RBFOX1: variants seen among roughly 807,000 people sequenced by gnomAD.
RBFOX1 encodes RNA binding fox-1 homolog 1, also known as RNA binding protein fox-1 homolog 1.
A neutral mutation model predicts 57.7 loss-of-function variants in RBFOX1; 8 were observed. The ratio of observed to expected loss-of-function variants is 0.14; its 90% CI spans 0.08 to 0.25. The LOEUF is 0.25. RBFOX1 is among the 10% of genes least tolerant of loss of function. The pLI, the probability that RBFOX1 is intolerant of heterozygous loss-of-function variation, is 1.00. For missense variants in RBFOX1, 611 were observed against 548.5 expected (o/e 1.11, Z -1.14); for synonymous variants, 326 against 222.4 (o/e 1.47, Z -4.15).
intron 4 of RBFOX1, among the ~76,000 whole-genome samples, chr16:5,937,682 A>G (rs2059194908): frequency 1.3e-5 from 2 of 149,744 alleles, no homozygotes; most frequent in South Asian, 4.2e-4. Flanking sequence ...ATATAGTTAT[A>G]TGGTTACATA....
chr16:5,564,019 A>T (rs548569742), intron 2 of RBFOX1, among the ~76,000 whole-genome samples: 18 of 151,914 alleles, frequency 1.2e-4, no homozygotes, highest in East Asian at 9.7e-4. Flanking sequence ...TTTTTAAAAA[A>T]TTTTTTTATT....
At chr16:7,374,100 C>G (rs767128838) in intron 4 of RBFOX1, among the ~76,000 whole-genome samples, 1 of 152,144 alleles carries the variant, frequency 6.6e-6, no homozygotes, top group East Asian at 1.9e-4. Context: ...TTCTGCAGCT[C>G]TGATGGTGTG....
chr16:7,121,896 C>G (rs979587877), intron 4 of RBFOX1, among the ~76,000 whole-genome samples: 2 of 151,794 alleles, frequency 1.3e-5, no homozygotes, highest in African/African-American at 4.8e-5. Flanking sequence ...TTAATTAAAT[C>G]TTAGAAAAGG....
intron 4 of RBFOX1, among the ~76,000 whole-genome samples, chr16:7,188,761 A>T (rs1272257094): frequency 1.3e-5 from 2 of 152,212 alleles, no homozygotes; most frequent in Non-Finnish European, 2.9e-5. Flanking sequence ...TGTAATTGTC[A>T]AAAGTAAGAC....
intron 2 of RBFOX1, among the ~76,000 whole-genome samples, chr16:6,550,238 C>T (rs907912811): frequency 6.6e-6 from 1 of 152,038 alleles, no homozygotes; most frequent in African/African-American, 2.4e-5. Flanking sequence ...AGTGTAGTGG[C>T]GTGATCTCAG....
rs141069609 is a variant in RBFOX1, at chr16:7,041,966, C to G, written c.-15-10091C>G. Among the ~76,000 whole-genome samples, 74 of 152,278 alleles carry G rather than the reference C, an allele frequency of 4.9e-4. 1 individual carries two copies. In the East Asian group the frequency reaches 0.012, roughly 24 times the overall value. ...TGCCTGCAGAGATTATATAATATGG[C>G]TAACGTTACTTAGGAGATGTTCAAG... On this transcript the variant is annotated intron_variant, in intron 3 of 15. Transcript: ENST00000550418.
At chr16:5,486,566 G>T (rs1037307912) in intron 2 of RBFOX1, among the ~76,000 whole-genome samples, 12 of 152,172 alleles carry the variant, frequency 7.9e-5, no homozygotes, top group African/African-American at 2.9e-4. Flanking sequence ...TTACTTGACA[G>T]ATGTTCTGGA....
intron 3 of RBFOX1, among the ~76,000 whole-genome samples, chr16:5,756,116 C>G (rs912951612): frequency 6.6e-6 from 1 of 150,388 alleles, no homozygotes; most frequent in Non-Finnish European, 1.5e-5. Context: ...AGATACAAAG[C>G]TACAGGTGGT....
intron 4 of RBFOX1, among the ~76,000 whole-genome samples, chr16:7,342,884 A>T (rs867378534): frequency 5.9e-5 from 9 of 152,310 alleles, no homozygotes; most frequent in Middle Eastern, 6.8e-3. Context: ...TCAGGGGGCC[A>T]TGTCATTCTC....
At chr16:6,499,519 G>T (rs572086466) in intron 2 of RBFOX1, among the ~76,000 whole-genome samples, 1 of 152,272 alleles carries the variant, frequency 6.6e-6, no homozygotes, top group African/African-American at 2.4e-5. Context: ...TTTTCATTTT[G>T]ATTGGATTGG....
intron 4 of RBFOX1, among the ~76,000 whole-genome samples, chr16:7,250,877 C>T (rs11865167): frequency 1.3e-5 from 2 of 151,996 alleles, no homozygotes; most frequent in African/African-American, 2.4e-5. Context: ...AAAATAATAA[C>T]GAATTAACTT....
chr16:5,255,358 A>ATCCATCCC (rs2062563987), intron 1 of RBFOX1, among the ~76,000 whole-genome samples: 1 of 106,320 alleles, frequency 9.4e-6, no homozygotes, highest in Admixed American at 8.9e-5. Flanking sequence ...CCATCCCTCC[A>ATCCATCCC]TCCATCCATC....
intron 3 of RBFOX1, among the ~76,000 whole-genome samples, chr16:5,779,628 T>G (rs1453138048): frequency 6.6e-6 from 1 of 152,174 alleles, no homozygotes; most frequent in Non-Finnish European, 1.5e-5. Flanking sequence ...CCTTCCCTCT[T>G]CATTCTCCTG....
intron 3 of RBFOX1, among the ~76,000 whole-genome samples, chr16:6,866,272 T>C (rs987915429): frequency 2.6e-5 from 4 of 152,114 alleles, no homozygotes; most frequent in Non-Finnish European, 2.9e-5. Flanking sequence ...CCACTTTTCA[T>C]TTTTGTGGAT....
intron 2 of RBFOX1, among the ~76,000 whole-genome samples, chr16:6,384,867 C>T (rs1248134083): frequency 6.6e-6 from 1 of 152,288 alleles, no homozygotes; most frequent in South Asian, 2.1e-4. Context: ...TTCTAACTAA[C>T]GTGTATCCTT....
rs548052802 is a variant in RBFOX1, at chr16:6,462,094, T to A, written c.-64+145037T>A. On this transcript the variant is annotated intron_variant, in intron 2 of 15. Transcript: ENST00000550418. ...TTTTAATGGACAGTTCCAGAGACAATTTCATCCTTTATAAAATCCTTATAT... is the reference window on the plus strand; with the variant it reads ...TTTTAATGGACAGTTCCAGAGACAAATTCATCCTTTATAAAATCCTTATAT... Among the ~76,000 whole-genome samples the A allele has an allele frequency of 9.3e-4, 142 of 152,332 alleles. 2 individuals are homozygous for A. The highest frequency in any genetic ancestry group is 3.3e-3 in the African/African-American group (136 of 41,570).
intron 4 of RBFOX1, among the ~76,000 whole-genome samples, chr16:7,363,822 C>G (rs531125803): frequency 5.9e-5 from 9 of 152,162 alleles, no homozygotes; most frequent in Admixed American, 5.9e-4. Context: ...AATCTCCCGT[C>G]AGTCTTCTTG....
chr16:7,389,613 A>G (rs2097955493), intron 4 of RBFOX1, among the ~76,000 whole-genome samples: 1 of 152,200 alleles, frequency 6.6e-6, no homozygotes, highest in Admixed American at 6.5e-5. Flanking sequence ...CTACCTAAAA[A>G]CAATAATAAG....
At chr16:7,461,546 T>G (rs1465696106) in intron 4 of RBFOX1, among the ~76,000 whole-genome samples, 1 of 152,202 alleles carries the variant, frequency 6.6e-6, no homozygotes, top group Non-Finnish European at 1.5e-5. Context: ...TAAGTGTATT[T>G]CAGATACCCT....
Sources: allele counts gnomAD v4.1 joint callset (sites outside exome capture counted in the v4.1 genomes callset), GRCh38; gene constraint gnomAD v4.1.1; transcripts MANE v1.5; gene names NCBI Gene and HGNC (gene_info 2026-07-23, HGNC 2026-07-21).